RORA: variants seen among roughly 807,000 people sequenced by gnomAD.
RORA encodes nuclear receptor ROR-alpha.
In RORA, 7 loss-of-function variants were observed where a neutral mutation model predicts 69.5. The ratio of observed to expected loss-of-function variants is 0.10; its 90% CI spans 0.06 to 0.19. The LOEUF (loss-of-function observed/expected upper bound fraction) is 0.19, where lower values mean the gene tolerates loss of function less well. RORA is among the 10% of genes least tolerant of loss of function. RORA has a pLI of 1.00. For missense variants in RORA, 457 were observed against 663.0 expected (o/e 0.69, Z 3.41); for synonymous variants, 261 against 240.8 (o/e 1.08, Z -0.78).
intron 1 of RORA, among the ~76,000 whole-genome samples, chr15:60,844,790 C>T (rs957733542): frequency 2.6e-5 from 4 of 152,084 alleles, no homozygotes; most frequent in African/African-American, 4.8e-5. Flanking sequence ...CTTCTTGCCT[C>T]GATGGTATCA....
intron 2 of RORA, among the ~76,000 whole-genome samples, chr15:60,574,523 G>A (rs1449327754): frequency 6.6e-6 from 1 of 152,204 alleles, no homozygotes; most frequent in Non-Finnish European, 1.5e-5. Context: ...TACCGGCTAA[G>A]GCTGGATGAA....
At chr15:60,693,497 G>C (rs1426916655) in intron 1 of RORA, among the ~76,000 whole-genome samples, 1 of 152,204 alleles carries the variant, frequency 6.6e-6, no homozygotes, top group Non-Finnish European at 1.5e-5. Context: ...AATAGGAAGA[G>C]AGGAAGTCAA....
intron 1 of RORA, among the ~76,000 whole-genome samples, chr15:60,853,770 T>C (rs1483672675): frequency 6.6e-5 from 10 of 152,242 alleles, no homozygotes; most frequent in Admixed American, 6.5e-4. Context: ...GGAAGAACAC[T>C]GGACTTGGAG....
At chr15:60,703,751 G>A (rs1370086141) in intron 1 of RORA, among the ~76,000 whole-genome samples, 3 of 152,154 alleles carry the variant, frequency 2.0e-5, no homozygotes, top group African/African-American at 4.8e-5. Flanking sequence ...CATAATTTAA[G>A]GTGCATTCTT....
rs182845806 is a variant in RORA, at chr15:60,492,701, A to G, written c.*4754T>C. 10 of 152,304 alleles carry G rather than the reference A, an allele frequency of 6.6e-5. No homozygotes were observed. The highest frequency in any genetic ancestry group is 1.3e-4 in the Non-Finnish European group (9 of 68,008). 9.4% of individuals were successfully genotyped at this position (152,304 alleles called of 1,614,324 possible). A position where few individuals can be genotyped will look rare whatever the true frequency, so the allele number is the denominator to read the frequency against. On this transcript the variant is annotated 3_prime_UTR_variant, in exon 11 of 11. Transcript: ENST00000335670. Reference sequence around the variant, plus strand: ...ATGGTAACTGGAATATGCAAGGACTATACTTTGAATGATGCTCTTTGCTGG... The same window carrying G: ...ATGGTAACTGGAATATGCAAGGACTGTACTTTGAATGATGCTCTTTGCTGG...
At chr15:61,107,152 C>T (rs16943636) in intron 1 of RORA, among the ~76,000 whole-genome samples, 4,937 of 152,210 alleles carry the variant, frequency 0.032, 268 homozygotes, top group African/African-American at 0.11. Context: ...TGGAATCACC[C>T]GTGCTCTGCT....
At chr15:61,029,639 G>A (rs1362365593) in intron 1 of RORA, among the ~76,000 whole-genome samples, 1 of 152,150 alleles carries the variant, frequency 6.6e-6, no homozygotes, top group Non-Finnish European at 1.5e-5. Context: ...AGAAAGATGT[G>A]TAAGATGTTA....
chr15:60,749,116 C>G (rs1346761126), intron 1 of RORA, among the ~76,000 whole-genome samples: 1 of 152,200 alleles, frequency 6.6e-6, no homozygotes, highest in Non-Finnish European at 1.5e-5. Flanking sequence ...CCCCTATTCT[C>G]TCTTGGATGG....
intron 1 of RORA, among the ~76,000 whole-genome samples, chr15:60,971,693 C>T (rs1893718744): frequency 1.3e-5 from 2 of 152,232 alleles, no homozygotes. Flanking sequence ...CTGCAAACCT[C>T]TTAAAAGCTC....
chr15:60,627,359 G>A lies in RORA; in HGVS notation c.196+51298C>T, dbSNP rs375908405. 4.3e-6 allele frequency: 7 copies of A among 1,614,026 alleles called. No individual in the cohort carries two copies. The African/African-American group carries it at 9.3e-5, about 22-fold the overall frequency. ...TCAGTCTCTAAGTCACTGTCTCCTG[G>A]GGCCCCCTCATTCATGCCTTTTCCT... On this transcript the variant is annotated intron_variant, in intron 2 of 10. Transcript: ENST00000335670.
chr15:60,651,876 T>C (rs2070147563), intron 2 of RORA, among the ~76,000 whole-genome samples: 1 of 152,248 alleles, frequency 6.6e-6, no homozygotes, highest in Non-Finnish European at 1.5e-5. Context: ...CCCTGAGGGC[T>C]AGAATTTCAT....
rs758227724 is a variant in RORA at position 60,829,740 on chromosome 15, C to T, written c.167-151054G>A. Among the ~76,000 whole-genome samples, 34 of 152,304 alleles carry T rather than the reference C, an allele frequency of 2.2e-4. 1 individual carries two copies. Among genetic ancestry groups the T allele is most frequent in the Non-Finnish European group, 4.3e-4 (29 of 68,022 alleles). On this transcript the variant is annotated intron_variant, in intron 1 of 10. Coordinates refer to ENST00000335670, the MANE Select transcript of RORA (RefSeq NM_134261.3). ...AATCTCACAGAGCACCAGAAAACTC[C>T]GGAATAAAAGGCCAGTGCTGGTGAT... is the stretch of plus-strand genomic sequence containing the variant.
chr15:61,031,970 A>G (rs1389865212), intron 1 of RORA, among the ~76,000 whole-genome samples: 1 of 152,198 alleles, frequency 6.6e-6, no homozygotes, highest in African/African-American at 2.4e-5. Flanking sequence ...CTAATCTGCC[A>G]AGGATGGTCA....
intron 1 of RORA, among the ~76,000 whole-genome samples, chr15:60,754,355 G>A (rs2071767379): frequency 6.6e-6 from 1 of 152,102 alleles, no homozygotes; most frequent in South Asian, 2.1e-4. Flanking sequence ...AACATATGGG[G>A]TTTCCAAAGT....
intron 2 of RORA, among the ~76,000 whole-genome samples, chr15:60,602,749 C>T (rs1483940205): frequency 2.6e-5 from 4 of 152,118 alleles, no homozygotes; most frequent in Non-Finnish European, 5.9e-5. Flanking sequence ...CACTTTGATT[C>T]GTCTTTCAGA....
chr15:61,127,684 C>T (rs1937493533), intron 1 of RORA, among the ~76,000 whole-genome samples: 1 of 152,162 alleles, frequency 6.6e-6, no homozygotes, highest in African/African-American at 2.4e-5. Flanking sequence ...AGTTGATTTT[C>T]TTTAATTTGA....
intron 1 of RORA, among the ~76,000 whole-genome samples, chr15:60,754,523 T>C (rs138575394): frequency 1.3e-5 from 2 of 152,328 alleles, no homozygotes; most frequent in East Asian, 1.9e-4. Flanking sequence ...TGTTTTAGTC[T>C]CATGGCTTAA....
chr15:60,800,090 G>A (rs2072557521), intron 1 of RORA, among the ~76,000 whole-genome samples: 1 of 152,168 alleles, frequency 6.6e-6, no homozygotes. Flanking sequence ...CCACCCTCAC[G>A]TTGGTTGCCC....
chr15:60,858,726 A>ACACAC (rs1399171435), intron 1 of RORA, among the ~76,000 whole-genome samples: 10 of 73,222 alleles, frequency 1.4e-4, no homozygotes, highest in Admixed American at 5.0e-4. Flanking sequence ...CACACACACA[A>ACACAC]AAGCACAAAG....
Sources: gnomAD v4.1 joint callset for allele counts (sites outside exome capture counted in the v4.1 genomes callset) on GRCh38, gnomAD v4.1.1 for gene constraint, MANE v1.5 for transcripts, NCBI Gene and HGNC (gene_info 2026-07-23, HGNC 2026-07-21) for gene names.